Variants in CNTN4 observed in about 807,000 individuals in gnomAD.
CNTN4 encodes contactin-4.
Under a neutral mutation model 122.5 loss-of-function variants are expected in CNTN4, and 77 were observed. The ratio of observed to expected loss-of-function variants is 0.63; its 90% confidence interval spans 0.52 to 0.76. The LOEUF is 0.76. CNTN4 is among the 30% of genes least tolerant of loss of function. The pLI is 0.00. For synonymous variants in CNTN4, 512 were observed against 447.0 expected, an observed-to-expected ratio of 1.15 and a Z score of -1.83; for missense variants, 1,256 against 1,259.1, an observed-to-expected ratio of 1.00 and a Z score of 0.04.
At chr3:2,849,970 A>G (rs1307461092) in intron 7 of CNTN4, among the ~76,000 whole-genome samples, 4 of 151,926 alleles carry the variant, frequency 2.6e-5, no homozygotes, top group Non-Finnish European at 5.9e-5. Context: ...TCCATTTTGG[A>G]AAATGTTAGC....
intron 3 of CNTN4, among the ~76,000 whole-genome samples, chr3:2,429,387 C>G (rs1015585549): frequency 6.6e-6 from 1 of 152,168 alleles, no homozygotes; most frequent in African/African-American, 2.4e-5. Context: ...GCAGAGGCTG[C>G]GGAACAGCAA....
chr3:2,595,118 C>A (rs1342859760), intron 4 of CNTN4, among the ~76,000 whole-genome samples: 1 of 152,180 alleles, frequency 6.6e-6, no homozygotes, highest in African/African-American at 2.4e-5. Flanking sequence ...TGACACTATT[C>A]TATTTGAATG....
intron 2 of CNTN4, among the ~76,000 whole-genome samples, chr3:2,127,197 G>T (rs1291533594): frequency 2.6e-5 from 4 of 152,106 alleles, no homozygotes; most frequent in Non-Finnish European, 5.9e-5. Context: ...ATACCCTGTG[G>T]ATCAGCTGCC....
chr3:2,984,642 C>T (rs1001361389), intron 13 of CNTN4, among the ~76,000 whole-genome samples: 6 of 152,274 alleles, frequency 3.9e-5, no homozygotes, highest in Admixed American at 2.6e-4. Flanking sequence ...TGCTTGTTTC[C>T]GTATTCATTT....
chr3:2,852,653 C>T (rs1308491453), intron 7 of CNTN4, among the ~76,000 whole-genome samples: 4 of 152,116 alleles, frequency 2.6e-5, no homozygotes, highest in African/African-American at 9.7e-5. Context: ...AAAATTGAGT[C>T]TTAGATATGT....
In CNTN4 at chr3:2,709,694, A is replaced by C. The variant is rs1184749386; in HGVS notation, c.56-26521A>C. Among the ~76,000 whole-genome samples, 1 of 152,082 alleles carries C rather than the reference A, an allele frequency of 6.6e-6. No homozygotes were observed. Among genetic ancestry groups the C allele is most frequent in the Non-Finnish European group, 1.5e-5 (1 of 68,012 alleles). On this transcript the variant is annotated intron_variant, in intron 4 of 24. Transcript: ENST00000418658. The surrounding 1 kb of genome is among the most constrained non-coding windows in gnomAD (Gnocchi z 5.0). ...TTTGGGAGGCTGAGGCAGGTGGATCACTTGAGGTCAGGAGTTCAAAATCAG... is the reference window on the plus strand; with the variant it reads ...TTTGGGAGGCTGAGGCAGGTGGATCCCTTGAGGTCAGGAGTTCAAAATCAG...
At chr3:3,042,712 C>T (rs746944328) in intron 21 of CNTN4, 1 of 581,690 alleles carries the variant, frequency 1.7e-6, no homozygotes, top group Admixed American at 3.0e-5. Flanking sequence ...CACTTTGACT[C>T]AAAACAAACA....
chr3:2,277,253 A>C (rs533252822), intron 2 of CNTN4, among the ~76,000 whole-genome samples: 8 of 151,864 alleles, frequency 5.3e-5, no homozygotes, highest in African/African-American at 1.9e-4. Context: ...TTTTCTTGTT[A>C]GAGAAAGGTG....
chr3:2,830,582 C>T (rs1329165393), intron 7 of CNTN4, among the ~76,000 whole-genome samples: 38 of 152,138 alleles, frequency 2.5e-4, no homozygotes, highest in Non-Finnish European at 5.9e-5. Context: ...AAACACATTA[C>T]ACATCCAGGA....
chr3:2,633,404 G>A (rs1240731144), intron 4 of CNTN4, among the ~76,000 whole-genome samples: 1 of 152,118 alleles, frequency 6.6e-6, no homozygotes, highest in Non-Finnish European at 1.5e-5. Flanking sequence ...TTCTGCTCCT[G>A]TACATGTTTA....
chr3:2,900,506 A>G (rs2094161594), intron 10 of CNTN4, among the ~76,000 whole-genome samples, 179 bp from the exon 11 acceptor site: 1 of 152,226 alleles, frequency 6.6e-6, no homozygotes, highest in African/African-American at 2.4e-5. Flanking sequence ...AACCACAAAA[A>G]TGGTATTCAG....
intron 14 of CNTN4, among the ~76,000 whole-genome samples, chr3:3,020,206 C>A (rs1441041960): frequency 6.6e-6 from 1 of 152,104 alleles, no homozygotes; most frequent in Non-Finnish European, 1.5e-5. Flanking sequence ...CAGTCTCCCA[C>A]AGGGCCACTC....
At chr3:2,845,038 T>A (rs950249748) in intron 7 of CNTN4, among the ~76,000 whole-genome samples, 1 of 152,190 alleles carries the variant, frequency 6.6e-6, no homozygotes, top group Non-Finnish European at 1.5e-5. Context: ...TTATAAACTT[T>A]AAATATTATA....
At chr3:2,930,826 C>T (rs1359825735) in intron 13 of CNTN4, among the ~76,000 whole-genome samples, 3 of 152,244 alleles carry the variant, frequency 2.0e-5, no homozygotes, top group Non-Finnish European at 2.9e-5. Context: ...GAGACATGAA[C>T]CTAGCTAGCC....
chr3:2,556,387 G>A (rs1461121867), intron 3 of CNTN4, among the ~76,000 whole-genome samples: 2 of 152,154 alleles, frequency 1.3e-5, no homozygotes, highest in South Asian at 2.1e-4. Flanking sequence ...ACTTACAAAC[G>A]CATGAGTTAT....
At chr3:2,156,048 G>A (rs147865201) in intron 2 of CNTN4, among the ~76,000 whole-genome samples, 1 of 152,252 alleles carries the variant, frequency 6.6e-6, no homozygotes, top group East Asian at 1.9e-4. Context: ...ACTCCCCTTA[G>A]AATCATTTAT....
At chr3:2,188,821 A>G (rs11922923) in intron 2 of CNTN4, among the ~76,000 whole-genome samples, 2,611 of 152,288 alleles carry the variant, frequency 0.017, 27 homozygotes, top group Middle Eastern at 0.054. Flanking sequence ...TTTACATTGA[A>G]TAAACAAAGG....
intron 14 of CNTN4, among the ~76,000 whole-genome samples, chr3:3,022,730 T>C (rs1698407282): frequency 6.6e-6 from 1 of 152,184 alleles, no homozygotes; most frequent in Admixed American, 6.5e-5. Context: ...TAAAAGAATT[T>C]TTTTTTTAAC....
intron 4 of CNTN4, among the ~76,000 whole-genome samples, chr3:2,704,192 G>A (rs1470809028): frequency 2.0e-5 from 3 of 151,576 alleles, no homozygotes; most frequent in Admixed American, 2.0e-4. Flanking sequence ...CAGTACTCGG[G>A]AGGCTGAGGC....
Sources: allele counts gnomAD v4.1 joint callset (sites outside exome capture counted in the v4.1 genomes callset), GRCh38; gene constraint gnomAD v4.1.1; non-coding constraint Gnocchi (gnomAD v3.1); transcripts MANE v1.5; gene names NCBI Gene and HGNC (gene_info 2026-07-23, HGNC 2026-07-21).